The following YY1 variants were observed in gnomAD, a reference collection of about 807,000 sequenced individuals.
YY1 encodes the protein YY1 transcription factor.
Under a neutral mutation model 35.6 loss-of-function variants are expected in YY1, and 2 were observed. That is an observed-to-expected ratio of 0.06 (90% CI 0.02 to 0.18). YY1 has a LOEUF of 0.18. Ranked by LOEUF, YY1 falls within the 10% of genes least tolerant of loss-of-function variation. The probability of loss-of-function intolerance (pLI) is 1.00; values close to 1 mark genes in which losing one functional copy is unlikely to be tolerated. For synonymous variants in YY1, 268 were observed against 238.9 expected (o/e 1.12, Z -1.12); for missense variants, 322 against 573.4 (o/e 0.56, Z 4.48).
At position 100,276,986 on chromosome 14, in the gene YY1, A is replaced by G. The variant is rs1891329904; in HGVS notation, c.1062+338A>G. 2 of 418,216 alleles carry G rather than the reference A, an allele frequency of 4.8e-6. No homozygotes were observed. Among genetic ancestry groups the G allele is most frequent in the African/African-American group, 2.0e-5 (1 of 49,838 alleles). The allele number at this position is 418,216 out of a possible 1,614,324, so 25.9% of individuals were successfully genotyped here. A position where few individuals can be genotyped will look rare whatever the true frequency, so the allele number is the denominator to read the frequency against. The stretch of plus-strand genomic sequence containing the variant: ...TAATTTATTTTTGGTAGTTAATAGT[A>G]TAATTACTAACTGATAAAGTTTCTA... On this transcript the variant is annotated intron_variant, in intron 4 of 4. Coordinates refer to ENST00000262238, the MANE Select transcript of YY1 (RefSeq NM_003403.5). The surrounding 1 kb of genome is among the most constrained non-coding windows in gnomAD (Gnocchi z 4.1).
At chr14:100,271,839 T>C (rs1755639939) in intron 2 of YY1, among the ~76,000 whole-genome samples, 1 of 152,090 alleles carries the variant, frequency 6.6e-6, no homozygotes, top group Non-Finnish European at 1.5e-5. Flanking sequence ...AGACGGGGTG[T>C]TGCTTTCTTG....
chr14:100,244,157 A>G (rs758275596), intron 1 of YY1, among the ~76,000 whole-genome samples: 25 of 151,930 alleles, frequency 1.6e-4, no homozygotes, highest in Non-Finnish European at 3.1e-4. Flanking sequence ...TGGAAACCAA[A>G]TGGGTTTCTT....
chr14:100,269,257 C>T (rs1891198933), intron 2 of YY1, among the ~76,000 whole-genome samples: 1 of 152,128 alleles, frequency 6.6e-6, no homozygotes, highest in Admixed American at 6.5e-5. Flanking sequence ...GTAATAAGAG[C>T]TATCATTTCC....
rs1353615374 is a variant in YY1 at position 100,241,119 on chromosome 14, C to T, written c.679+1196C>T. ...CAATGCTGGTTTTTTAGGTCAGTAT[C>T]CTATTAGTATATTCATATGCTACCT... On this transcript the variant is annotated intron_variant, in intron 1 of 4. Transcript: ENST00000262238. Among the ~76,000 whole-genome samples the T allele has an allele frequency of 3.3e-5, 5 of 152,148 alleles. No individual in the cohort carries two copies. The East Asian group carries it at 7.7e-4, about 23-fold the overall frequency.
chr14:100,249,754 T>TTTG (rs370771451), intron 1 of YY1, among the ~76,000 whole-genome samples: 8,112 of 95,550 alleles, frequency 0.085, 300 homozygotes, highest in South Asian at 0.21. Context: ...TACCGTTTTT[T>TTTG]TTTTTGTTTG....
intron 1 of YY1, among the ~76,000 whole-genome samples, chr14:100,248,209 G>A (rs558397423): frequency 6.9e-5 from 10 of 145,128 alleles, no homozygotes; most frequent in South Asian, 2.2e-4. Flanking sequence ...TCCGCTTCCC[G>A]GGTTCATACC....
chr14:100,260,533 CACAATCTCTGCTCACT>C, intron 1 of YY1, among the ~76,000 whole-genome samples: 1 of 148,752 alleles, frequency 6.7e-6, no homozygotes, highest in East Asian at 2.0e-4. Flanking sequence ...AGTACAGTGG[CACAATCTCTGCTCACT>C]GCAAGCTCTG....
At chr14:100,245,459 A>G (rs541632211) in intron 1 of YY1, among the ~76,000 whole-genome samples, 8 of 152,218 alleles carry the variant, frequency 5.3e-5, no homozygotes, top group African/African-American at 1.9e-4. Flanking sequence ...AATAATCTTA[A>G]TCAATTGCTT....
chr14:100,274,369 T>G (rs1261115401), intron 2 of YY1, among the ~76,000 whole-genome samples: 1 of 152,182 alleles, frequency 6.6e-6, no homozygotes, highest in Non-Finnish European at 1.5e-5. Flanking sequence ...TTTTTGTGTT[T>G]TTTTAAAGGG....
rs540467430 is a variant in YY1, at chr14:100,276,333, T to G, written c.904-157T>G. On this transcript the variant is annotated intron_variant, in intron 3 of 4. Transcript: ENST00000262238. This position sits in a 1 kb window ranked among gnomAD's most constrained non-coding sequence, Gnocchi z 4.1. ...TTTTTCAGCTGTCTGCTTTTTGTCTTAAATGATATTAATGTTCTACCGTAA... is the reference window on the plus strand; with the variant it reads ...TTTTTCAGCTGTCTGCTTTTTGTCTGAAATGATATTAATGTTCTACCGTAA... The G allele has an allele frequency of 1.0e-6, 1 of 986,698 alleles. No homozygotes were observed. The highest frequency in any genetic ancestry group is 1.5e-5 in the South Asian group (1 of 65,150). The allele number at this position is 986,698 out of a possible 1,614,324, so 61.1% of individuals were successfully genotyped here.
At chr14:100,255,735 G>T (rs888688371) in intron 1 of YY1, among the ~76,000 whole-genome samples, 1 of 152,176 alleles carries the variant, frequency 6.6e-6, no homozygotes, top group African/African-American at 2.4e-5. Flanking sequence ...AGCCTCTCTT[G>T]TCTGTGCTTA....
intron 1 of YY1, among the ~76,000 whole-genome samples, chr14:100,255,013 G>A (rs1458233300): frequency 7.9e-6 from 1 of 126,002 alleles, no homozygotes; most frequent in Non-Finnish European, 1.6e-5. Context: ...TGGCCAGGCT[G>A]GTCTCAAACT....
chr14:100,260,413 C>A (rs944958893), intron 1 of YY1, among the ~76,000 whole-genome samples: 1 of 146,184 alleles, frequency 6.8e-6, no homozygotes, highest in Non-Finnish European at 1.5e-5. Context: ...TATATGGGGT[C>A]TGAATATATG....
intron 1 of YY1, among the ~76,000 whole-genome samples, chr14:100,261,125 T>C (rs1344007396): frequency 2.6e-5 from 4 of 152,034 alleles, no homozygotes; most frequent in Non-Finnish European, 5.9e-5. Context: ...GGATATGAGA[T>C]GATAGTAAGA....
At position 100,239,659 on chromosome 14, in the gene YY1, G is replaced by C. The variant is rs750069951; in HGVS notation, c.415G>C (p.Ala139Pro). 6.2e-7 allele frequency: 1 copy of C among 1,609,902 alleles called. No homozygotes were observed. The highest frequency in any genetic ancestry group is 1.7e-5 in the Admixed American group (1 of 59,990). Residue 139 changes from alanine (A) to proline (P), a missense_variant, in exon 1 of 5, where the codon GCC becomes CCC. Transcript: ENST00000262238. ...DQILIPVPAP[A>P]GGDDDYIEQT... ...GATTCTCATCCCGGTGCCCGCGCCG[G>C]CCGGCGGCGACGACGACTACATTGA...
Position 100,276,740 on chromosome 14 carries a change from C to T in YY1, c.1062+92C>T. On this transcript the variant is annotated intron_variant, in intron 4 of 4. Coordinates refer to ENST00000262238, the MANE Select transcript of YY1 (RefSeq NM_003403.5). This position sits in a 1 kb window ranked among gnomAD's most constrained non-coding sequence, Gnocchi z 4.1. ...TGGTGATGAGGCAGGAGGCGCCAGCCCAGAGACTCAGGGTCTTATTACTCC... is the reference window on the plus strand; with the variant it reads ...TGGTGATGAGGCAGGAGGCGCCAGCTCAGAGACTCAGGGTCTTATTACTCC... The T allele has an allele frequency of 6.3e-7, 1 of 1,589,124 alleles. No homozygotes were observed. Among genetic ancestry groups the T allele is most frequent in the Non-Finnish European group, 8.6e-7 (1 of 1,163,966 alleles).
intron 1 of YY1, among the ~76,000 whole-genome samples, chr14:100,247,662 G>T (rs933331691): frequency 1.4e-4 from 22 of 152,338 alleles, no homozygotes; most frequent in African/African-American, 5.1e-4. Context: ...TTAGCTGATT[G>T]TTGGGGGGCT....
At position 100,239,547 on chromosome 14, in the gene YY1, G is replaced by C. The variant is rs756864544; in HGVS notation, c.303G>C (p.Gln101His). The C allele has an allele frequency of 6.2e-7, 1 of 1,612,598 alleles. No homozygotes were observed. Among genetic ancestry groups the C allele is most frequent in the Non-Finnish European group, 8.5e-7 (1 of 1,179,722 alleles). ...ACCCGACCCAGGTGCACCACCACCA[G>C]GAGGTGATCCTGGTGCAGACGCGCG... The part of the protein sequence containing the change: ...TDDPTQVHHH[Q>H]EVILVQTREE... The change falls in exon 1 of 5, where the codon CAG becomes CAC. Residue 101 changes from glutamine to histidine, a missense_variant. Transcript: ENST00000262238.
At position 100,276,005 on chromosome 14, in the gene YY1, A is replaced by C; in HGVS notation, c.904-485A>C. The C allele has an allele frequency of 5.8e-6, 1 of 173,330 alleles. No homozygotes were observed. The highest frequency in any genetic ancestry group is 1.2e-5 in the Non-Finnish European group (1 of 80,310). 10.7% of individuals were successfully genotyped at this position (173,330 alleles called of 1,614,324 possible). ...TCAAGAAGGGGAAAGAGGCAAAGAG[A>C]GAAGAGGGAACAGTAGGCGATGGAG... On this transcript the variant is annotated intron_variant, in intron 3 of 4. Coordinates refer to ENST00000262238, the MANE Select transcript of YY1 (RefSeq NM_003403.5). This position sits in a 1 kb window ranked among gnomAD's most constrained non-coding sequence, Gnocchi z 4.1.
Sources: allele counts gnomAD v4.1 joint callset (sites outside exome capture counted in the v4.1 genomes callset), GRCh38; gene constraint gnomAD v4.1.1; non-coding constraint Gnocchi (gnomAD v3.1); transcripts MANE v1.5; gene names NCBI Gene and HGNC (gene_info 2026-07-23, HGNC 2026-07-21).